Variants in GRAMD2B observed in about 807,000 individuals in gnomAD.
The protein encoded by GRAMD2B is GRAM domain-containing protein 2B.
Under a neutral mutation model 59.2 loss-of-function variants are expected in GRAMD2B, and 41 were observed. The observed-to-expected ratio is 0.69, with a 90% confidence interval of 0.54 to 0.90. The LOEUF (loss-of-function observed/expected upper bound fraction) is 0.90. Ranked by LOEUF, GRAMD2B falls within the 40% of genes least tolerant of loss-of-function variation. The probability of loss-of-function intolerance (pLI) is 0.00; values close to 1 mark genes in which losing one functional copy is unlikely to be tolerated. For synonymous variants in GRAMD2B, 161 were observed against 182.7 expected, an observed-to-expected ratio of 0.88 and a Z score of 0.96; for missense variants, 424 against 500.5, an observed-to-expected ratio of 0.85 and a Z score of 1.46.
rs190510282 is a variant in GRAMD2B, at chr5:126,402,159, A to G, written c.125+30592A>G. 1.2e-4 allele frequency among the ~76,000 whole-genome samples: 19 copies of G among 152,188 alleles called. No homozygotes were observed. The East Asian group carries it at 2.9e-3, about 23-fold the overall frequency. ...AGCACTCACATCCAGTGCCTTCAAT[A>G]GCATCCTTCCTTTTTATGTATCTGT... On this transcript the variant is annotated intron_variant, in intron 1 of 8. Transcript: ENST00000506445.
upstream of GRAMD2B, among the ~76,000 whole-genome samples, chr5:126,369,736 T>C (rs555750231): frequency 7.2e-5 from 11 of 152,332 alleles, no homozygotes; most frequent in Admixed American, 6.5e-4. Flanking sequence ...TGGAATTTCC[T>C]CCTTTAGAGA....
At chr5:126,448,866 A>G (rs1028850695) in intron 1 of GRAMD2B, among the ~76,000 whole-genome samples, 1 of 152,226 alleles carries the variant, frequency 6.6e-6, no homozygotes, top group African/African-American at 2.4e-5. Flanking sequence ...AATGTGGATA[A>G]CACCTGTCTT....
intron 1 of GRAMD2B, among the ~76,000 whole-genome samples, chr5:126,432,156 T>A (rs11241890): frequency 2.0e-5 from 3 of 151,928 alleles, no homozygotes; most frequent in South Asian, 4.2e-4. Flanking sequence ...CTTGAACTCC[T>A]GGCTTCAAGA....
intron 1 of GRAMD2B, among the ~76,000 whole-genome samples, chr5:126,452,539 G>T (rs1180832485): frequency 6.6e-6 from 1 of 152,126 alleles, no homozygotes; most frequent in African/African-American, 2.4e-5. Flanking sequence ...GGAAACCATG[G>T]CAGGGCCTTT....
At chr5:126,378,916 T>A (rs1436823447) in intron 1 of GRAMD2B, among the ~76,000 whole-genome samples, 1 of 152,184 alleles carries the variant, frequency 6.6e-6, no homozygotes, top group African/African-American at 2.4e-5. Flanking sequence ...TCACTTTTTT[T>A]ATTTCAGTAC....
intron 1 of GRAMD2B, among the ~76,000 whole-genome samples, chr5:126,392,304 TG>T (rs1347307451): frequency 6.6e-6 from 1 of 152,152 alleles, no homozygotes; most frequent in East Asian, 1.9e-4. Flanking sequence ...CATAGTAAGG[TG>T]GATCACAGGG....
Position 126,493,202 on chromosome 5 carries a change from C to T in GRAMD2B, c.*246C>T, listed in dbSNP as rs920419670. The T allele has an allele frequency of 2.0e-6, 1 of 506,362 alleles. No individual in the cohort carries two copies. Among genetic ancestry groups the T allele is most frequent in the Non-Finnish European group, 3.6e-6 (1 of 281,080 alleles). 31.4% of individuals were successfully genotyped at this position (506,362 alleles called of 1,614,324 possible). ...TGCTTTTGCCTGAAGAAAACAGACC[C>T]ATCTCTGGAGGTCTCAGGAAGGGCC... is the stretch of plus-strand genomic sequence containing the variant. On this transcript the variant is annotated 3_prime_UTR_variant, in exon 14 of 14. Coordinates refer to ENST00000285689, the MANE Select transcript of GRAMD2B (RefSeq NM_023927.4).
At chr5:126,465,068 T>C in intron 1 of GRAMD2B, 1 of 1,050,556 alleles carries the variant, frequency 9.5e-7, no homozygotes, top group African/African-American at 1.7e-5. Context: ...AGGCCACACG[T>C]GAGCGTGTGT....
chr5:126,393,564 G>A (rs1039399189), intron 1 of GRAMD2B, among the ~76,000 whole-genome samples: 1 of 152,118 alleles, frequency 6.6e-6, no homozygotes, highest in Non-Finnish European at 1.5e-5. Context: ...TGTAAGGCAT[G>A]TGGAAACCCA....
At chr5:126,466,923 G>A (rs963214513) in intron 2 of GRAMD2B, among the ~76,000 whole-genome samples, 1 of 152,148 alleles carries the variant, frequency 6.6e-6, no homozygotes, top group Non-Finnish European at 1.5e-5. Flanking sequence ...ATGGGCATGC[G>A]GTTCCTGCAG....
At chr5:126,413,014 T>A (rs1758952457) in intron 1 of GRAMD2B, among the ~76,000 whole-genome samples, 1 of 152,104 alleles carries the variant, frequency 6.6e-6, no homozygotes, top group Non-Finnish European at 1.5e-5. Flanking sequence ...TTTATTAATC[T>A]AGCTAGCAGT....
chr5:126,394,602 G>C (rs923132929), intron 1 of GRAMD2B, among the ~76,000 whole-genome samples: 1 of 152,068 alleles, frequency 6.6e-6, no homozygotes, highest in Non-Finnish European at 1.5e-5. Context: ...TCAATATTCT[G>C]CCTTCCATTT....
chr5:126,399,451 A>C (rs2149736695), intron 1 of GRAMD2B, among the ~76,000 whole-genome samples: 1 of 152,234 alleles, frequency 6.6e-6, no homozygotes, highest in South Asian at 2.1e-4. Flanking sequence ...TTCTTGTAAT[A>C]GTGTGTGAGT....
At chr5:126,360,129 C>T, upstream of GRAMD2B, 3 of 551,356 alleles carry the variant, frequency 5.4e-6, no homozygotes, top group East Asian at 9.6e-5. Context: ...TGGTCATTTG[C>T]TTTCTCACAC....
chr5:126,424,768 A>C lies in GRAMD2B; in HGVS notation c.83+1079A>C, dbSNP rs888001048. Among the ~76,000 whole-genome samples the C allele has an allele frequency of 5.3e-5, 8 of 152,246 alleles. No individual in the cohort carries two copies. In the East Asian group the frequency reaches 1.5e-3, roughly 29 times the overall value. ...TTACTGAGAATGCTTACTATGTGAC[A>C]GGGAGTGTGCTCAATACTTTAAATG... On this transcript the variant is annotated intron_variant, in intron 1 of 13. Transcript: ENST00000285689.
At chr5:126,440,801 A>C in intron 1 of GRAMD2B, among the ~76,000 whole-genome samples, 1 of 152,226 alleles carries the variant, frequency 6.6e-6, no homozygotes, top group Admixed American at 6.5e-5. Context: ...ATCGTTCTGT[A>C]TTAGATTAAT....
intron 1 of GRAMD2B, among the ~76,000 whole-genome samples, chr5:126,397,597 G>A (rs1757470557): frequency 6.6e-6 from 1 of 152,234 alleles, no homozygotes; most frequent in East Asian, 1.9e-4. Flanking sequence ...ATGTCGAACT[G>A]TGTCAAATGC....
intron 1 of GRAMD2B, among the ~76,000 whole-genome samples, chr5:126,372,997 A>G (rs1754894544): frequency 6.6e-6 from 1 of 152,200 alleles, no homozygotes; most frequent in South Asian, 2.1e-4. Context: ...TTTCATAATT[A>G]TAGATAAATA....
chr5:126,484,422 C>A lies in GRAMD2B; in HGVS notation c.868C>A (p.Gln290Lys). 6.2e-7 allele frequency: 1 copy of A among 1,613,998 alleles called. No individual in the cohort carries two copies. Among genetic ancestry groups the A allele is most frequent in the Non-Finnish European group, 8.5e-7 (1 of 1,179,974 alleles). Residue 290 changes from glutamine to lysine, a missense_variant, in exon 10 of 14, where the codon CAA (glutamine) becomes AAA (lysine). By Grantham distance (53) the Gln-to-Lys change is moderately conservative. Coordinates refer to ENST00000285689, the MANE Select transcript of GRAMD2B (RefSeq NM_023927.4). ...AGTAGATTTCCATGCGACAGAATCC[C>A]AAACAGTTCTGAATGTCTCCAAGGG... is the stretch of plus-strand genomic sequence containing the variant. ...NSRDFHATES[Q>K]TVLNVSKGEA... is the part of the protein sequence containing the mutation.
Sources: gnomAD v4.1 joint callset for allele counts (sites outside exome capture counted in the v4.1 genomes callset) on GRCh38, gnomAD v4.1.1 for gene constraint, MANE v1.5 for transcripts, NCBI Gene and HGNC (gene_info 2026-07-23, HGNC 2026-07-21) for gene names.